The following SGCZ variants were observed in gnomAD, a reference collection of about 807,000 sequenced individuals.
The protein encoded by SGCZ is sarcoglycan zeta.
A neutral mutation model predicts 41.3 loss-of-function variants in SGCZ; 40 were observed. The ratio of observed to expected loss-of-function variants is 0.97; its 90% CI spans 0.75 to 1.26. The LOEUF (loss-of-function observed/expected upper bound fraction) is 1.26. Among genes scored for constraint, SGCZ ranks in the 50% most tolerant of loss-of-function variants. The pLI, the probability that SGCZ is intolerant of heterozygous loss-of-function variation, is 0.00. For synonymous variants in SGCZ, 206 were observed against 137.5 expected (o/e 1.50, Z -3.49); for missense variants, 552 against 369.8 (o/e 1.49, Z -4.04).
At chr8:14,486,847 T>C (rs1346087810) in intron 2 of SGCZ, among the ~76,000 whole-genome samples, 2 of 152,242 alleles carry the variant, frequency 1.3e-5, no homozygotes, top group Non-Finnish European at 2.9e-5. Flanking sequence ...TTAAAGTTAA[T>C]TATTAAGGTG....
At chr8:15,056,022 T>C (rs1374352854) in intron 1 of SGCZ, among the ~76,000 whole-genome samples, 1 of 152,236 alleles carries the variant, frequency 6.6e-6, no homozygotes, top group Non-Finnish European at 1.5e-5. Flanking sequence ...GATATCCTCC[T>C]GCTGTTCATT....
intron 5 of SGCZ, among the ~76,000 whole-genome samples, chr8:14,116,793 T>C (rs1053695390): frequency 5.9e-5 from 9 of 152,126 alleles, no homozygotes; most frequent in African/African-American, 9.6e-5. Context: ...GCATTCTTTT[T>C]ACTTTTAACT....
rs542262161 is a variant in SGCZ, at chr8:14,498,871, A to T, written c.234+55861T>A. 2.6e-5 allele frequency among the ~76,000 whole-genome samples: 4 copies of T among 151,412 alleles called. No individual in the cohort carries two copies. The East Asian group carries it at 7.7e-4, about 29-fold the overall frequency. ...TTACCCTCATATGTGTTCCTTTTGAATGTCTTAGTTTCAGGACATTTCGAT... is the reference window on the plus strand; with the variant it reads ...TTACCCTCATATGTGTTCCTTTTGATTGTCTTAGTTTCAGGACATTTCGAT... On this transcript the variant is annotated intron_variant, in intron 2 of 7. Transcript: ENST00000382080.
intron 1 of SGCZ, among the ~76,000 whole-genome samples, chr8:15,115,849 G>A (rs1807248989): frequency 6.6e-6 from 1 of 152,136 alleles, no homozygotes; most frequent in African/African-American, 2.4e-5. Context: ...ATTCCCAAAG[G>A]GGAAAAATAT....
At chr8:14,511,805 T>A (rs1563377165) in intron 2 of SGCZ, among the ~76,000 whole-genome samples, 1 of 152,132 alleles carries the variant, frequency 6.6e-6, no homozygotes, top group Non-Finnish European at 1.5e-5. Context: ...CTTCTGGAAT[T>A]TCAGGATATT....
At chr8:14,897,065 A>G (rs1054263376) in intron 1 of SGCZ, among the ~76,000 whole-genome samples, 6 of 151,974 alleles carry the variant, frequency 3.9e-5, no homozygotes, top group African/African-American at 1.4e-4. Flanking sequence ...TACAGGCGTG[A>G]GCCACCGTGC....
At chr8:14,277,757 A>G (rs553243395) in intron 3 of SGCZ, among the ~76,000 whole-genome samples, 9 of 152,228 alleles carry the variant, frequency 5.9e-5, no homozygotes, top group African/African-American at 2.2e-4. Context: ...ACCCACTCAC[A>G]ACCCCAAGTG....
intron 1 of SGCZ, among the ~76,000 whole-genome samples, chr8:15,075,839 C>T (rs1175522060): frequency 6.6e-6 from 1 of 151,942 alleles, no homozygotes; most frequent in Non-Finnish European, 1.5e-5. Flanking sequence ...AAATTTTATG[C>T]TTGCCTACCA....
At chr8:14,112,304 G>T (rs1224913355) in intron 5 of SGCZ, among the ~76,000 whole-genome samples, 4 of 150,572 alleles carry the variant, frequency 2.7e-5, no homozygotes, top group African/African-American at 9.8e-5. Flanking sequence ...TGCAAAGAAG[G>T]GAATGGATTT....
At chr8:14,784,983 A>T (rs1402599055) in intron 1 of SGCZ, among the ~76,000 whole-genome samples, 1 of 140,322 alleles carries the variant, frequency 7.1e-6, no homozygotes, top group Non-Finnish European at 1.5e-5. Flanking sequence ...TATATTTTTT[A>T]TATATTATAT....
chr8:14,181,491 C>T (rs1804724796), intron 4 of SGCZ, among the ~76,000 whole-genome samples: 1 of 152,212 alleles, frequency 6.6e-6, no homozygotes, highest in Non-Finnish European at 1.5e-5. Context: ...CCAACATAAG[C>T]TCTTAAAGGC....
intron 4 of SGCZ, among the ~76,000 whole-genome samples, chr8:14,178,069 T>C (rs569092511): frequency 6.7e-6 from 1 of 150,324 alleles, no homozygotes; most frequent in Admixed American, 6.7e-5. Flanking sequence ...GGGACTCTCG[T>C]GCCTCAGCCT....
At chr8:15,077,942 C>T (rs942360314) in intron 1 of SGCZ, among the ~76,000 whole-genome samples, 7 of 152,062 alleles carry the variant, frequency 4.6e-5, no homozygotes, top group Admixed American at 6.6e-5. Context: ...AGTGTTTACA[C>T]GAGATGTTTT....
chr8:14,411,723 A>G (rs1799365244), intron 2 of SGCZ, among the ~76,000 whole-genome samples: 1 of 152,118 alleles, frequency 6.6e-6, no homozygotes, highest in South Asian at 2.1e-4. Context: ...TAATATTAGT[A>G]TTCTGTATTT....
At chr8:14,393,810 CTGTGCTCAATAAATGCAT>C (rs1804876371) in intron 2 of SGCZ, among the ~76,000 whole-genome samples, 1 of 152,170 alleles carries the variant, frequency 6.6e-6, no homozygotes, top group Admixed American at 6.5e-5. Context: ...CAAATAATCC[CTGTGCTCAATAAATGCAT>C]TGACTTACAG....
At chr8:15,203,233 T>C (rs928629435) in intron 1 of SGCZ, among the ~76,000 whole-genome samples, 2 of 152,236 alleles carry the variant, frequency 1.3e-5, no homozygotes, top group African/African-American at 4.8e-5. Flanking sequence ...AGAAGTCATA[T>C]TTGCTTATTG....
chr8:14,203,573 TTGAG>T (rs560534260), intron 4 of SGCZ, among the ~76,000 whole-genome samples: 233 of 152,294 alleles, frequency 1.5e-3, no homozygotes, highest in Non-Finnish European at 2.6e-3. Flanking sequence ...TTGCCAGAGT[TTGAG>T]TATTTTCTGT....
At chr8:14,282,491 C>T (rs1800480208) in intron 3 of SGCZ, among the ~76,000 whole-genome samples, 1 of 152,132 alleles carries the variant, frequency 6.6e-6, no homozygotes, top group Non-Finnish European at 1.5e-5. Context: ...TAAACCAGCT[C>T]ACTCTCTTCC....
intron 3 of SGCZ, among the ~76,000 whole-genome samples, chr8:14,314,350 T>C (rs1394292109): frequency 2.0e-5 from 3 of 152,106 alleles, no homozygotes; most frequent in Admixed American, 2.0e-4. Context: ...TCTTCTAAGG[T>C]TGCAGTCCAG....
Sources: gnomAD v4.1 joint callset for allele counts (sites outside exome capture counted in the v4.1 genomes callset) on GRCh38, gnomAD v4.1.1 for gene constraint, MANE v1.5 for transcripts, NCBI Gene and HGNC (gene_info 2026-07-23, HGNC 2026-07-21) for gene names.